DPP10: variants seen among roughly 807,000 people sequenced by gnomAD.
DPP10 encodes inactive dipeptidyl peptidase 10.
Under a neutral mutation model 120.9 loss-of-function variants are expected in DPP10, and 33 were observed. The observed-to-expected ratio is 0.27, with a 90% CI of 0.21 to 0.37. The LOEUF (loss-of-function observed/expected upper bound fraction) is 0.37. DPP10 is among the 10% of genes least tolerant of loss of function. DPP10 has a pLI of 1.00. For missense variants in DPP10, 816 were observed against 942.8 expected (o/e 0.87, Z 1.76); for synonymous variants, 337 against 326.1 (o/e 1.03, Z -0.36).
chr2:115,840,147 G>A (rs1689939945), intron 24 of DPP10, among the ~76,000 whole-genome samples: 2 of 150,936 alleles, frequency 1.3e-5, no homozygotes, highest in African/African-American at 4.9e-5. Context: ...TGTACCATTA[G>A]GAATAATAAA....
At chr2:115,449,154 A>G (rs2072887051) in intron 3 of DPP10, among the ~76,000 whole-genome samples, 1 of 152,180 alleles carries the variant, frequency 6.6e-6, no homozygotes, top group South Asian at 2.1e-4. Flanking sequence ...TTACGCAAAA[A>G]AATTGTACAT....
chr2:114,680,161 G>A (rs1328226341), intron 1 of DPP10, among the ~76,000 whole-genome samples: 1 of 151,936 alleles, frequency 6.6e-6, no homozygotes, highest in Non-Finnish European at 1.5e-5. Context: ...AGATATGATG[G>A]AGAGCATCTA....
rs531961315 is a variant in DPP10, at chr2:115,352,344, T to C, written c.271+8432T>C. 5.3e-5 allele frequency among the ~76,000 whole-genome samples: 8 copies of C among 152,312 alleles called. No individual in the cohort carries two copies. The South Asian group carries it at 1.7e-3, about 32-fold the overall frequency. ...CATTTATTGAGCTTCATATATGTGC[T>C]CTGCACAGAGCTTCATATATTCCAG... On this transcript the variant is annotated intron_variant, in intron 3 of 25. Coordinates refer to ENST00000410059, the MANE Select transcript of DPP10 (RefSeq NM_020868.6).
At chr2:114,588,700 AT>A (rs1366366587) in intron 1 of DPP10, among the ~76,000 whole-genome samples, 1 of 152,156 alleles carries the variant, frequency 6.6e-6, no homozygotes, top group Non-Finnish European at 1.5e-5. Flanking sequence ...ATCATATTTA[AT>A]TTTTTTCCTA....
At chr2:114,886,097 T>G (rs1692046647) in intron 1 of DPP10, among the ~76,000 whole-genome samples, 1 of 152,200 alleles carries the variant, frequency 6.6e-6, no homozygotes, top group African/African-American at 2.4e-5. Flanking sequence ...GATCTTACTT[T>G]TGGACAAATT....
At chr2:115,824,256 G>A (rs1471746701) in intron 21 of DPP10, among the ~76,000 whole-genome samples, 2 of 152,044 alleles carry the variant, frequency 1.3e-5, no homozygotes, top group African/African-American at 2.4e-5. Flanking sequence ...TGTTTAATAA[G>A]GAGCTGGGAT....
rs183034343 is a variant in DPP10, at chr2:115,747,375, C to T, written c.950+1192C>T. Among the ~76,000 whole-genome samples, 13 of 152,258 alleles carry T rather than the reference C, an allele frequency of 8.5e-5. No individual in the cohort carries two copies. In the East Asian group the frequency reaches 2.5e-3, roughly 29 times the overall value. On this transcript the variant is annotated intron_variant, in intron 10 of 25. Coordinates refer to ENST00000410059, the MANE Select transcript of DPP10 (RefSeq NM_020868.6). ...AGTAACATTTATTTCTGAGCTTGAT[C>T]TAGCAGCCATGAATGGTTACGTTAC...
intron 1 of DPP10, among the ~76,000 whole-genome samples, chr2:114,976,646 A>G (rs1468362806): frequency 6.6e-6 from 1 of 152,190 alleles, no homozygotes; most frequent in East Asian, 1.9e-4. Flanking sequence ...AAAACAGCAT[A>G]CTTTTTCCCC....
At chr2:115,365,751 T>A (rs1452537051) in intron 3 of DPP10, among the ~76,000 whole-genome samples, 1 of 152,052 alleles carries the variant, frequency 6.6e-6, no homozygotes, top group Non-Finnish European at 1.5e-5. Context: ...AACATTTTAA[T>A]GTTCAATTAA....
intron 1 of DPP10, among the ~76,000 whole-genome samples, chr2:114,507,244 T>G (rs1683753202): frequency 1.3e-5 from 2 of 152,064 alleles, no homozygotes; most frequent in South Asian, 4.2e-4. Context: ...AGACAGAGTT[T>G]TACCGTGTTG....
intron 1 of DPP10, among the ~76,000 whole-genome samples, chr2:114,836,445 A>G (rs1196406021): frequency 2.0e-5 from 3 of 152,166 alleles, no homozygotes; most frequent in African/African-American, 7.2e-5. Flanking sequence ...ATGCCCCACA[A>G]GCCGCAAAAC....
rs139147570 is a variant in DPP10 at position 115,241,008 on chromosome 2, C to T, written c.61-68231C>T. Among the ~76,000 whole-genome samples the T allele has an allele frequency of 6.1e-3, 925 of 152,266 alleles. 10 individuals carry two copies. The highest frequency in any genetic ancestry group is 0.021 in the African/African-American group (884 of 41,554). ...AGTGTTGGTCGGGCGCAGTGGCTCA[C>T]GCCTGTAATCCCAGCACTTTGGGAG... On this transcript the variant is annotated intron_variant, in intron 1 of 25. Coordinates refer to ENST00000410059, the MANE Select transcript of DPP10 (RefSeq NM_020868.6).
chr2:115,115,350 A>C lies in DPP10; in HGVS notation c.61-193889A>C, dbSNP rs138742578. 6.2e-3 allele frequency among the ~76,000 whole-genome samples: 940 copies of C among 152,296 alleles called. 6 individuals carry two copies. Among genetic ancestry groups the C allele is most frequent in the Middle Eastern group, 0.02 (6 of 294 alleles). On this transcript the variant is annotated intron_variant, in intron 1 of 25. Transcript: ENST00000410059. The stretch of plus-strand genomic sequence containing the variant: ...TGCTGCTGTGACAACCATTGCTAGC[A>C]TAACAATAAGATCCAGGGTTACCTT...
rs774733765 is a variant in DPP10, at chr2:115,002,353, C to T, written c.61-306886C>T. Among the ~76,000 whole-genome samples, 5 of 152,182 alleles carry T rather than the reference C, an allele frequency of 3.3e-5. No individual in the cohort carries two copies. The East Asian group carries it at 9.6e-4, about 29-fold the overall frequency. On this transcript the variant is annotated intron_variant, in intron 1 of 25. Coordinates refer to ENST00000410059, the MANE Select transcript of DPP10 (RefSeq NM_020868.6). ...GTTTGAAAATGACCGCTTCCTCATA[C>T]CATATATAACAATCAATTCAAAATA...
intron 1 of DPP10, among the ~76,000 whole-genome samples, chr2:114,973,063 T>C (rs1255931047): frequency 6.6e-6 from 1 of 152,196 alleles, no homozygotes; most frequent in Non-Finnish European, 1.5e-5. Flanking sequence ...TCATATACCA[T>C]GTAATCATGT....
intron 1 of DPP10, among the ~76,000 whole-genome samples, chr2:115,056,807 C>T (rs528911277): frequency 6.6e-6 from 1 of 152,284 alleles, no homozygotes; most frequent in South Asian, 2.1e-4. Flanking sequence ...ACAAAAGAAA[C>T]AAATATGGGG....
chr2:114,703,425 T>A (rs1055296003), intron 1 of DPP10, among the ~76,000 whole-genome samples: 20 of 152,188 alleles, frequency 1.3e-4, no homozygotes, highest in Non-Finnish European at 2.8e-4. Flanking sequence ...AAATTACTTT[T>A]CATTTTCACA....
At chr2:115,770,068 T>C (rs922069764) in intron 13 of DPP10, among the ~76,000 whole-genome samples, 4 of 152,052 alleles carry the variant, frequency 2.6e-5, no homozygotes, top group Admixed American at 2.6e-4. Context: ...AAGAAGACAA[T>C]CTATCCTTGA....
At position 114,460,223 on chromosome 2, in the gene DPP10, A is replaced by G. The variant is rs1311303000; in HGVS notation, c.60+17385A>G. Among the ~76,000 whole-genome samples, 5 of 146,962 alleles carry G rather than the reference A, an allele frequency of 3.4e-5. No individual in the cohort carries two copies. In the Admixed American group the frequency reaches 3.5e-4, roughly 10 times the overall value. ...TATCTATCTATCTATCTATCTATCT[A>G]TTCTAAGAGCATATGTTTGTGTTCA... On this transcript the variant is annotated intron_variant, in intron 1 of 25. Coordinates refer to ENST00000410059, the MANE Select transcript of DPP10 (RefSeq NM_020868.6).
Sources: gnomAD v4.1 joint callset for allele counts (sites outside exome capture counted in the v4.1 genomes callset) on GRCh38, gnomAD v4.1.1 for gene constraint, MANE v1.5 for transcripts, NCBI Gene and HGNC (gene_info 2026-07-23, HGNC 2026-07-21) for gene names.